The following RALGAPA1 variants were observed in gnomAD, a reference collection of about 807,000 sequenced individuals.
The protein encoded by RALGAPA1 is ral GTPase-activating protein subunit alpha-1.
RALGAPA1 carries 52 observed loss-of-function variants against 269.6 expected under a neutral mutation model. That is an observed-to-expected ratio of 0.19 (90% CI 0.15 to 0.24). RALGAPA1 has a LOEUF of 0.24. Among genes scored for constraint, RALGAPA1 ranks in the 10% least tolerant of loss-of-function variants. The pLI, the probability that RALGAPA1 is intolerant of heterozygous loss-of-function variation, is 1.00. For synonymous variants in RALGAPA1, 817 were observed against 1,008.3 expected (o/e 0.81, Z 3.60); for missense variants, 1,917 against 3,013.9 (o/e 0.64, Z 8.52).
At chr14:35,769,314 C>A (rs1418828873) in intron 4 of RALGAPA1, among the ~76,000 whole-genome samples, 3 of 151,796 alleles carry the variant, frequency 2.0e-5, no homozygotes, top group African/African-American at 7.3e-5. Context: ...ATGGATACAG[C>A]TGGAGGCCAT....
intron 37 of RALGAPA1, among the ~76,000 whole-genome samples, chr14:35,593,789 G>C (rs538278473): frequency 6.6e-6 from 1 of 152,112 alleles, no homozygotes; most frequent in South Asian, 2.1e-4. Flanking sequence ...CAGAAGTTGA[G>C]GCTACAGTGA....
chr14:35,791,148 G>A (rs2076141051), intron 1 of RALGAPA1, among the ~76,000 whole-genome samples: 1 of 152,130 alleles, frequency 6.6e-6, no homozygotes, highest in Admixed American at 6.6e-5. Context: ...TATAATAGCA[G>A]CAACAGAGGC....
chr14:35,682,973 C>T (rs2065586094), intron 21 of RALGAPA1, among the ~76,000 whole-genome samples: 1 of 152,130 alleles, frequency 6.6e-6, no homozygotes, highest in Non-Finnish European at 1.5e-5. Flanking sequence ...TCTGGGCTGG[C>T]TGAGGAAATA....
At chr14:35,595,580 A>C (rs1383382544) in intron 37 of RALGAPA1, 54 bp downstream of exon 37, 4 of 1,467,804 alleles carry the variant, frequency 2.7e-6, no homozygotes, top group Non-Finnish European at 2.9e-6. Context: ...TATTTTCTGT[A>C]TTAACTGTCT....
intron 12 of RALGAPA1, among the ~76,000 whole-genome samples, chr14:35,734,142 C>G (rs1042830440): frequency 6.6e-6 from 1 of 152,146 alleles, no homozygotes; most frequent in South Asian, 2.1e-4. Context: ...AAGTGATCTA[C>G]AAATTCAATG....
chr14:35,660,577 G>C (rs1433022008), intron 27 of RALGAPA1, among the ~76,000 whole-genome samples: 1 of 151,978 alleles, frequency 6.6e-6, no homozygotes, highest in Non-Finnish European at 1.5e-5. Context: ...ATAATCCAAA[G>C]CAATCCTACT....
At chr14:35,667,956 A>G (rs1198981836) in intron 26 of RALGAPA1, among the ~76,000 whole-genome samples, 6 of 152,228 alleles carry the variant, frequency 3.9e-5, no homozygotes, top group Admixed American at 3.9e-4. Flanking sequence ...CTTATACACA[A>G]TGAAACATTA....
intron 6 of RALGAPA1, among the ~76,000 whole-genome samples, chr14:35,757,223 G>A (rs181909363): frequency 6.3e-4 from 95 of 151,598 alleles, no homozygotes; most frequent in Middle Eastern, 3.4e-3. Flanking sequence ...CCAGGTTCAA[G>A]CAATTCTCCT....
chr14:35,546,863 A>G (rs1221701142), intron 41 of RALGAPA1, among the ~76,000 whole-genome samples: 2 of 152,090 alleles, frequency 1.3e-5, no homozygotes, highest in African/African-American at 2.4e-5. Flanking sequence ...ATGACAGAAA[A>G]GTTAAGATTT....
chr14:35,623,861 C>G (rs531643583), intron 35 of RALGAPA1, among the ~76,000 whole-genome samples: 1 of 152,108 alleles, frequency 6.6e-6, no homozygotes, highest in East Asian at 1.9e-4. Context: ...GGGTGGATCA[C>G]GAGGTCAGGC....
chr14:35,668,167 G>A (rs1035645530), intron 26 of RALGAPA1, among the ~76,000 whole-genome samples: 3 of 151,922 alleles, frequency 2.0e-5, no homozygotes, highest in African/African-American at 7.3e-5. Context: ...GAAAGAAGGG[G>A]GAAAAAAATA....
intron 6 of RALGAPA1, 99 bp from the exon 7 acceptor site, chr14:35,757,007 A>C (rs1257130070): frequency 2.8e-6 from 3 of 1,061,172 alleles, no homozygotes; most frequent in Non-Finnish European, 3.7e-6. Flanking sequence ...GTATGCAATG[A>C]AAATTGCTTG....
rs144085599 is a variant in RALGAPA1, at chr14:35,805,931, G to A, written c.106+2799C>T. On this transcript the variant is annotated intron_variant, in intron 1 of 41. Coordinates refer to ENST00000680220, the MANE Select transcript of RALGAPA1 (RefSeq NM_001346249.2). ...TCTTGAATTCCTGACCTCGTGATCC[G>A]CCCACCTCGGCCTCCCCAAGTCCTG... Among the ~76,000 whole-genome samples, 755 of 151,920 alleles carry A rather than the reference G, an allele frequency of 5.0e-3. 15 individuals carry two copies. The highest frequency in any genetic ancestry group is 5.0e-3 in the Non-Finnish European group (341 of 67,954).
At chr14:35,667,425 C>T (rs1334069069) in intron 26 of RALGAPA1, among the ~76,000 whole-genome samples, 1 of 152,052 alleles carries the variant, frequency 6.6e-6, no homozygotes, top group Admixed American at 6.6e-5. Flanking sequence ...CAAAACTTAA[C>T]TGTTTATCTA....
chr14:35,673,390 T>C (rs1158204360), intron 24 of RALGAPA1, among the ~76,000 whole-genome samples: 1 of 151,986 alleles, frequency 6.6e-6, no homozygotes, highest in Non-Finnish European at 1.5e-5. Flanking sequence ...ACTCTGTCTT[T>C]ACAAAAAAAT....
chr14:35,669,700 C>A (rs1318375946), intron 26 of RALGAPA1, among the ~76,000 whole-genome samples: 1 of 152,168 alleles, frequency 6.6e-6, no homozygotes, highest in East Asian at 1.9e-4. Context: ...ATGTGCTCCT[C>A]CTATTGGTAT....
At chr14:35,704,992 C>T (rs1032169594) in intron 16 of RALGAPA1, among the ~76,000 whole-genome samples, 2 of 152,056 alleles carry the variant, frequency 1.3e-5, no homozygotes, top group Admixed American at 6.5e-5. Flanking sequence ...CCAAAAAATA[C>T]ATTTTTTTAA....
At chr14:35,802,091 C>T (rs761255266) in intron 1 of RALGAPA1, among the ~76,000 whole-genome samples, 7 of 152,124 alleles carry the variant, frequency 4.6e-5, no homozygotes, top group East Asian at 1.9e-4. Flanking sequence ...AGGTGGCTCA[C>T]GAGGTCAGGA....
chr14:35,612,759 C>T (rs1193233939), intron 35 of RALGAPA1, among the ~76,000 whole-genome samples: 1 of 152,004 alleles, frequency 6.6e-6, no homozygotes, highest in Non-Finnish European at 1.5e-5. Flanking sequence ...AGGATGGTCT[C>T]GATCTCCTGA....
Sources: allele counts gnomAD v4.1 joint callset (sites outside exome capture counted in the v4.1 genomes callset), GRCh38; gene constraint gnomAD v4.1.1; transcripts MANE v1.5; gene names NCBI Gene and HGNC (gene_info 2026-07-23, HGNC 2026-07-21).